B3GALT1: variants seen among roughly 807,000 people sequenced by gnomAD.
The protein encoded by B3GALT1 is beta-1,3-galactosyltransferase 1, also known as UDP-Gal:betaGlcNAc beta 1,3-galactosyltransferase, polypeptide 1.
A neutral mutation model predicts 23.2 loss-of-function variants in B3GALT1; 10 were observed. That is an observed-to-expected ratio of 0.43 (90% CI 0.27 to 0.73). The LOEUF (loss-of-function observed/expected upper bound fraction) is 0.73, where lower values mean the gene tolerates loss of function less well. Among genes scored for constraint, B3GALT1 ranks in the 30% least tolerant of loss-of-function variants. B3GALT1 has a pLI of 0.21. For synonymous variants in B3GALT1, 156 were observed against 141.5 expected, an observed-to-expected ratio of 1.10 and a Z score of -0.73; for missense variants, 299 against 405.4, an observed-to-expected ratio of 0.74 and a Z score of 2.25.
chr2:167,670,070 A>G (rs1045433872), intron 3 of B3GALT1, among the ~76,000 whole-genome samples: 3 of 152,182 alleles, frequency 2.0e-5, no homozygotes, highest in African/African-American at 7.2e-5. Context: ...TAGCCTATCC[A>G]TGCTTTCAGT....
intron 2 of B3GALT1, among the ~76,000 whole-genome samples, chr2:167,565,645 TCAAA>T (rs1477838556): frequency 1.3e-5 from 2 of 152,058 alleles, no homozygotes; most frequent in East Asian, 1.9e-4. Flanking sequence ...TACAATGAAC[TCAAA>T]CAAATTTACA....
At chr2:167,831,681 A>C (rs1574287723) in intron 4 of B3GALT1, among the ~76,000 whole-genome samples, 1 of 152,226 alleles carries the variant, frequency 6.6e-6, no homozygotes, top group Admixed American at 6.5e-5. Flanking sequence ...CAGTCATCTC[A>C]TGAAATCTGT....
intron 2 of B3GALT1, among the ~76,000 whole-genome samples, chr2:167,603,763 T>A (rs1684913743): frequency 6.6e-6 from 1 of 152,192 alleles, no homozygotes; most frequent in Non-Finnish European, 1.5e-5. Context: ...CAAATTGTCC[T>A]CATTGGGAGA....
intron 3 of B3GALT1, among the ~76,000 whole-genome samples, chr2:167,767,317 A>C (rs1037067049): frequency 5.3e-5 from 8 of 152,224 alleles, no homozygotes; most frequent in African/African-American, 9.6e-5. Flanking sequence ...CTTTCTTAAA[A>C]TGAGTTATCC....
intron 3 of B3GALT1, among the ~76,000 whole-genome samples, chr2:167,803,768 T>A (rs1044617668): frequency 3.9e-5 from 6 of 152,210 alleles, no homozygotes; most frequent in Middle Eastern, 3.4e-3. Flanking sequence ...ATACTTTTTT[T>A]TATATAAAGT....
intron 1 of B3GALT1, among the ~76,000 whole-genome samples, chr2:167,389,764 T>G (rs1274024730): frequency 6.6e-6 from 1 of 151,924 alleles, no homozygotes; most frequent in Non-Finnish European, 1.5e-5. Context: ...GAGAACATAC[T>G]GGCCGGGCAG....
chr2:167,678,583 A>G (rs900852766), intron 3 of B3GALT1, among the ~76,000 whole-genome samples: 1 of 151,922 alleles, frequency 6.6e-6, no homozygotes, highest in Non-Finnish European at 1.5e-5. Flanking sequence ...GAAAAAAATC[A>G]AATGAGTGAT....
chr2:167,605,567 A>G (rs868190239), intron 2 of B3GALT1, among the ~76,000 whole-genome samples: 2 of 152,178 alleles, frequency 1.3e-5, no homozygotes, highest in Admixed American at 1.3e-4. Flanking sequence ...GCTGAGTTCA[A>G]AAAAGAAGTG....
chr2:167,742,259 T>G (rs1198630782), intron 3 of B3GALT1, among the ~76,000 whole-genome samples: 1 of 152,202 alleles, frequency 6.6e-6, no homozygotes, highest in Non-Finnish European at 1.5e-5. Flanking sequence ...TGCTTCACCA[T>G]TATTGTTTGC....
At chr2:167,486,321 T>G (rs1699626123) in intron 1 of B3GALT1, among the ~76,000 whole-genome samples, 1 of 146,348 alleles carries the variant, frequency 6.8e-6, no homozygotes, top group Non-Finnish European at 1.5e-5. Flanking sequence ...ATCGTGCCAC[T>G]GCACTCCAGC....
rs114158199 is a variant in B3GALT1 at position 167,830,341 on chromosome 2, C to T, written c.-230+11548C>T. 5.8e-3 allele frequency among the ~76,000 whole-genome samples: 871 copies of T among 149,700 alleles called. 11 individuals carry two copies. Among genetic ancestry groups the T allele is most frequent in the African/African-American group, 0.021 (838 of 40,336 alleles). On this transcript the variant is annotated intron_variant, in intron 4 of 4. Transcript: ENST00000392690. ...CATTTGGATGAGGAAAGACATTAAG[C>T]GGGAACAGGGCAGGGTAGGGATTCG...
chr2:167,387,302 T>A (rs1298155838), intron 1 of B3GALT1, among the ~76,000 whole-genome samples: 2 of 152,230 alleles, frequency 1.3e-5, no homozygotes, highest in African/African-American at 4.8e-5. Context: ...TTTGATTTTG[T>A]CAGTTGGGAA....
At chr2:167,860,504 A>C (rs967928898) in intron 4 of B3GALT1, among the ~76,000 whole-genome samples, 1 of 152,130 alleles carries the variant, frequency 6.6e-6, no homozygotes, top group Non-Finnish European at 1.5e-5. Flanking sequence ...CTCTATGTTA[A>C]AGCCACTTGT....
At chr2:167,703,287 C>T (rs530896531) in intron 3 of B3GALT1, among the ~76,000 whole-genome samples, 2 of 152,250 alleles carry the variant, frequency 1.3e-5, no homozygotes, top group East Asian at 1.9e-4. Flanking sequence ...CAGGAATCAA[C>T]AGGGCTGCCC....
intron 3 of B3GALT1, among the ~76,000 whole-genome samples, chr2:167,708,221 C>T (rs1458733465): frequency 6.6e-6 from 1 of 152,156 alleles, no homozygotes; most frequent in Admixed American, 6.6e-5. Flanking sequence ...CAAATTTTAC[C>T]TGAAGTGTGA....
At chr2:167,332,128 A>T (rs527348904) in intron 1 of B3GALT1, among the ~76,000 whole-genome samples, 1 of 152,062 alleles carries the variant, frequency 6.6e-6, no homozygotes, top group Non-Finnish European at 1.5e-5. Context: ...GATGTTCCCT[A>T]TGTTAATCTC....
intron 1 of B3GALT1, among the ~76,000 whole-genome samples, chr2:167,467,604 C>T (rs946306534): frequency 1.3e-5 from 2 of 152,160 alleles, no homozygotes; most frequent in East Asian, 3.9e-4. Flanking sequence ...AAGGCCATTC[C>T]GTGGTTAAGA....
At chr2:167,401,373 C>T (rs960409561) in intron 1 of B3GALT1, among the ~76,000 whole-genome samples, 1 of 152,104 alleles carries the variant, frequency 6.6e-6, no homozygotes, top group African/African-American at 2.4e-5. Context: ...AACTGACTCT[C>T]TCAATGGAAA....
intron 4 of B3GALT1, among the ~76,000 whole-genome samples, 133 bp downstream of exon 4, chr2:167,818,926 T>C (rs1027803096): frequency 6.6e-6 from 1 of 152,118 alleles, no homozygotes; most frequent in Non-Finnish European, 1.5e-5. Context: ...AAAGTCTAGG[T>C]TTTTTTCTTT....
Sources: allele counts gnomAD v4.1 joint callset (sites outside exome capture counted in the v4.1 genomes callset), GRCh38; gene constraint gnomAD v4.1.1; transcripts MANE v1.5; gene names NCBI Gene and HGNC (gene_info 2026-07-23, HGNC 2026-07-21).